CNTNAP2: variants seen among roughly 807,000 people sequenced by gnomAD.
CNTNAP2 encodes the protein contactin associated protein 2.
In CNTNAP2, 98 loss-of-function variants were observed where a neutral mutation model predicts 155.2. The observed-to-expected ratio is 0.63, with a 90% CI of 0.54 to 0.75. The LOEUF is 0.75. Among genes scored for constraint, CNTNAP2 ranks in the 30% least tolerant of loss-of-function variants. The probability of loss-of-function intolerance (pLI) is 0.00; values close to 1 mark genes in which losing one functional copy is unlikely to be tolerated. For missense variants in CNTNAP2, 1,727 were observed against 1,688.1 expected, an observed-to-expected ratio of 1.02 and a Z score of -0.40; for synonymous variants, 651 against 631.2, an observed-to-expected ratio of 1.03 and a Z score of -0.47.
intron 1 of CNTNAP2, among the ~76,000 whole-genome samples, chr7:146,491,014 T>C (rs965933082): frequency 6.6e-6 from 1 of 152,152 alleles, no homozygotes; most frequent in South Asian, 2.1e-4. Flanking sequence ...TTTTTATTTC[T>C]CTCAATCTTT....
intron 3 of CNTNAP2, among the ~76,000 whole-genome samples, chr7:146,880,848 ATAT>A (rs1460376539): frequency 1.3e-5 from 2 of 152,160 alleles, no homozygotes; most frequent in African/African-American, 4.8e-5. Context: ...AGGGGATGAA[ATAT>A]TATCCTCATT....
chr7:146,361,138 G>A (rs568756658), intron 1 of CNTNAP2, among the ~76,000 whole-genome samples: 1 of 152,134 alleles, frequency 6.6e-6, no homozygotes, highest in African/African-American at 2.4e-5. Flanking sequence ...ACCTGTGGAA[G>A]AAAAATGACA....
intron 3 of CNTNAP2, among the ~76,000 whole-genome samples, chr7:146,990,275 G>A (rs1188704695): frequency 6.6e-6 from 1 of 152,088 alleles, no homozygotes; most frequent in Non-Finnish European, 1.5e-5. Flanking sequence ...AGGACACTTA[G>A]TTCAATTAGC....
At chr7:147,887,631 C>A (rs2116726174) in intron 13 of CNTNAP2, among the ~76,000 whole-genome samples, 1 of 152,200 alleles carries the variant, frequency 6.6e-6, no homozygotes, top group Admixed American at 6.5e-5. Context: ...AGGCTTCTGT[C>A]AGTTCCATGC....
chr7:148,123,550 T>A (rs1371342467), intron 16 of CNTNAP2, among the ~76,000 whole-genome samples: 1 of 150,262 alleles, frequency 6.7e-6, no homozygotes, highest in African/African-American at 2.5e-5. Context: ...TGAGCTATGA[T>A]CACACAGCTG....
chr7:146,830,910 A>G (rs1395904302), intron 2 of CNTNAP2, among the ~76,000 whole-genome samples: 4 of 152,202 alleles, frequency 2.6e-5, no homozygotes, highest in Non-Finnish European at 5.9e-5. Context: ...ATCACCATTA[A>G]TCAACGTATT....
chr7:146,839,658 A>G (rs1803680868), intron 2 of CNTNAP2, 53 bp from the exon 3 acceptor site: 1 of 1,582,822 alleles, frequency 6.3e-7, no homozygotes. Flanking sequence ...TGTCAGTTGT[A>G]CAAGTTCAAA....
intron 8 of CNTNAP2, among the ~76,000 whole-genome samples, chr7:147,214,971 A>T (rs985472652): frequency 1.3e-5 from 2 of 152,132 alleles, no homozygotes; most frequent in Admixed American, 1.3e-4. Flanking sequence ...GAGCGAGCAA[A>T]GAAGGAAACC....
chr7:147,422,885 C>A (rs1797318449), intron 10 of CNTNAP2, among the ~76,000 whole-genome samples: 1 of 152,036 alleles, frequency 6.6e-6, no homozygotes, highest in African/African-American at 2.4e-5. Flanking sequence ...CCAAATTTTC[C>A]AATTGCAAAT....
At chr7:146,903,404 GTAA>G (rs1796046792) in intron 3 of CNTNAP2, among the ~76,000 whole-genome samples, 1 of 152,120 alleles carries the variant, frequency 6.6e-6, no homozygotes, top group Admixed American at 6.5e-5. Context: ...TCATTTGCAT[GTAA>G]TAAGCTCCCC....
At chr7:148,112,045 C>T (rs1194582953) in intron 15 of CNTNAP2, among the ~76,000 whole-genome samples, 1 of 152,096 alleles carries the variant, frequency 6.6e-6, no homozygotes, top group Non-Finnish European at 1.5e-5. Flanking sequence ...TGAGAAGACC[C>T]CGTCCAGGTG....
chr7:148,390,060 T>C (rs1799312546), intron 22 of CNTNAP2, among the ~76,000 whole-genome samples: 2 of 152,042 alleles, frequency 1.3e-5, no homozygotes, highest in Admixed American at 1.3e-4. Flanking sequence ...TGCATCAAAA[T>C]AAGGTTACCA....
At chr7:147,416,403 T>G (rs958750429) in intron 10 of CNTNAP2, among the ~76,000 whole-genome samples, 6 of 152,166 alleles carry the variant, frequency 3.9e-5, no homozygotes, top group African/African-American at 1.4e-4. Flanking sequence ...CAACTCCACA[T>G]TGAGCCAATA....
intron 15 of CNTNAP2, among the ~76,000 whole-genome samples, chr7:148,036,380 G>C (rs1585090176): frequency 6.6e-6 from 1 of 152,246 alleles, no homozygotes; most frequent in Non-Finnish European, 1.5e-5. Flanking sequence ...GAGGTGTTTG[G>C]ATCATGGTGG....
intron 21 of CNTNAP2, among the ~76,000 whole-genome samples, chr7:148,326,267 T>A (rs1296871076): frequency 2.0e-5 from 3 of 152,166 alleles, no homozygotes; most frequent in African/African-American, 4.8e-5. Context: ...AGGACCATCT[T>A]TGGGGATCTT....
At chr7:146,634,214 A>G (rs1799561087) in intron 1 of CNTNAP2, among the ~76,000 whole-genome samples, 1 of 152,216 alleles carries the variant, frequency 6.6e-6, no homozygotes, top group Non-Finnish European at 1.5e-5. Flanking sequence ...ATTCTTTTGT[A>G]ACAAAGTACT....
intron 13 of CNTNAP2, among the ~76,000 whole-genome samples, chr7:147,724,484 C>T (rs915095759): frequency 7.2e-5 from 11 of 151,982 alleles, no homozygotes; most frequent in African/African-American, 2.7e-4. Flanking sequence ...GCCTATTTGG[C>T]CATTGAAAAC....
At chr7:147,201,546 C>T (rs886769245) in intron 8 of CNTNAP2, among the ~76,000 whole-genome samples, 3 of 152,194 alleles carry the variant, frequency 2.0e-5, no homozygotes, top group African/African-American at 4.8e-5. Context: ...ACACAGTCTT[C>T]TGCATAGCTC....
intron 13 of CNTNAP2, among the ~76,000 whole-genome samples, chr7:147,798,782 T>C (rs558681061): frequency 1.3e-5 from 2 of 152,162 alleles, no homozygotes; most frequent in Non-Finnish European, 2.9e-5. Context: ...GTATCCTCTC[T>C]TCAGCTACTT....
Sources: gnomAD v4.1 joint callset for allele counts (sites outside exome capture counted in the v4.1 genomes callset) on GRCh38, gnomAD v4.1.1 for gene constraint, MANE v1.5 for transcripts, NCBI Gene and HGNC (gene_info 2026-07-23, HGNC 2026-07-21) for gene names.